Variants in GLDC observed in about 807,000 individuals in gnomAD.
The protein encoded by GLDC is glycine decarboxylase.
A neutral mutation model predicts 121.3 loss-of-function variants in GLDC; 104 were observed. The ratio of observed to expected loss-of-function variants is 0.86; its 90% confidence interval spans 0.73 to 1.01. The LOEUF (loss-of-function observed/expected upper bound fraction) is 1.01. GLDC is among the 50% of genes least tolerant of loss of function. GLDC has a pLI of 0.00. For missense variants in GLDC, 1,429 were observed against 1,306.6 expected (o/e 1.09, Z -1.44); for synonymous variants, 546 against 480.6 (o/e 1.14, Z -1.78).
intron 2 of GLDC, among the ~76,000 whole-genome samples, chr9:6,636,959 C>T (rs1396150417): frequency 6.6e-6 from 1 of 151,920 alleles, no homozygotes; most frequent in Admixed American, 6.6e-5. Context: ...TGGTGGGTGC[C>T]TGTAATCCCA....
intron 15 of GLDC, among the ~76,000 whole-genome samples, chr9:6,585,832 CTATGTATGTATG>C (rs148214664): frequency 2.5e-4 from 37 of 148,192 alleles, no homozygotes; most frequent in East Asian, 1.4e-3. Flanking sequence ...TATCATTCAT[CTATGTATGTATG>C]TATGTATGTA....
At chr9:6,607,199 T>G (rs1050914062) in intron 4 of GLDC, among the ~76,000 whole-genome samples, 6 of 152,212 alleles carry the variant, frequency 3.9e-5, no homozygotes, top group African/African-American at 1.4e-4. Flanking sequence ...TTTCTATGTT[T>G]ACTCAATAAC....
chr9:6,550,526 C>T (rs1244686815), intron 21 of GLDC, among the ~76,000 whole-genome samples: 1 of 152,034 alleles, frequency 6.6e-6, no homozygotes, highest in Admixed American at 6.6e-5. Context: ...ACTCGGGAGG[C>T]TGAGGCAAAA....
intron 2 of GLDC, among the ~76,000 whole-genome samples, chr9:6,622,553 G>A (rs1289719521): frequency 2.6e-5 from 4 of 152,146 alleles, no homozygotes; most frequent in Non-Finnish European, 5.9e-5. Context: ...GCTCAATGGT[G>A]CCCAGGCTGG....
chr9:6,622,989 G>C (rs1819145843), intron 2 of GLDC: 2 of 188,432 alleles, frequency 1.1e-5, no homozygotes, highest in South Asian at 7.6e-5. Context: ...GTCCGGGAGG[G>C]AGGTGGGGGG....
chr9:6,611,692 G>GT (rs1230834132), intron 3 of GLDC, among the ~76,000 whole-genome samples: 1 of 152,054 alleles, frequency 6.6e-6, no homozygotes, highest in Non-Finnish European at 1.5e-5. Flanking sequence ...GACACTGCTT[G>GT]TTTTTTCTGT....
chr9:6,547,166 G>A (rs143783793), intron 21 of GLDC, among the ~76,000 whole-genome samples: 36 of 152,132 alleles, frequency 2.4e-4, no homozygotes, highest in Middle Eastern at 3.4e-3. Context: ...AAAATTAAAC[G>A]TGAGGAAGTT....
intron 2 of GLDC, among the ~76,000 whole-genome samples, chr9:6,632,592 T>G (rs1819407457): frequency 6.6e-6 from 1 of 152,210 alleles, no homozygotes; most frequent in Non-Finnish European, 1.5e-5. Flanking sequence ...TGCTATTTGA[T>G]GGAGTGGGGA....
chr9:6,633,585 C>T (rs1819435690), intron 2 of GLDC, among the ~76,000 whole-genome samples: 2 of 152,030 alleles, frequency 1.3e-5, no homozygotes, highest in Admixed American at 6.6e-5. Flanking sequence ...GACTGACAGC[C>T]TCATCTCCTG....
At chr9:6,633,457 G>A (rs780199639) in intron 2 of GLDC, among the ~76,000 whole-genome samples, 1 of 152,176 alleles carries the variant, frequency 6.6e-6, no homozygotes, top group African/African-American at 2.4e-5. Flanking sequence ...CCAAATGCAT[G>A]TTCCACGAAT....
intron 2 of GLDC, among the ~76,000 whole-genome samples, chr9:6,627,589 C>G (rs996386422): frequency 6.6e-6 from 1 of 152,056 alleles, no homozygotes; most frequent in African/African-American, 2.4e-5. Flanking sequence ...TGAGCTGTCC[C>G]CTATACAACA....
intron 15 of GLDC, among the ~76,000 whole-genome samples, chr9:6,568,575 T>C (rs1257047621): frequency 6.6e-6 from 1 of 152,062 alleles, no homozygotes; most frequent in Non-Finnish European, 1.5e-5. Flanking sequence ...ATGCCGGGCG[T>C]GGTGGCTCAC....
chr9:6,628,557 G>A (rs532412764), intron 2 of GLDC, among the ~76,000 whole-genome samples: 1 of 152,320 alleles, frequency 6.6e-6, no homozygotes, highest in East Asian at 1.9e-4. Context: ...TTGGGAGGCC[G>A]AGGCAGAAGG....
At position 6,623,617 on chromosome 9, in the gene GLDC, A is replaced by T. The variant is rs188177060; in HGVS notation, c.335-3298T>A. ...AAACACCCAAGAATGATCAATAAAA[A>T]AAAAAATAAAAAAAGAGAGAGATAT... On this transcript the variant is annotated intron_variant, in intron 2 of 24. Coordinates refer to ENST00000321612, the MANE Select transcript of GLDC (RefSeq NM_000170.3). 2.2e-4 allele frequency among the ~76,000 whole-genome samples: 34 copies of T among 152,328 alleles called. No individual in the cohort carries two copies. In the East Asian group the frequency reaches 5.8e-3, roughly 26 times the overall value.
At chr9:6,639,671 ATAT>A in intron 2 of GLDC, 1 of 191,568 alleles carries the variant, frequency 5.2e-6, no homozygotes. Context: ...AAAAAAAAGT[ATAT>A]ATATATATAT....
rs200259332 is a variant in GLDC, at chr9:6,570,830, C to A, written c.1851-5401G>T. Among the ~76,000 whole-genome samples the A allele has an allele frequency of 2.3e-5, 3 of 132,268 alleles. No homozygotes were observed. The South Asian group carries it at 6.9e-4, about 30-fold the overall frequency. 86.8% of individuals were successfully genotyped at this position (132,268 alleles called of 152,430 possible). A position where few individuals can be genotyped will look rare whatever the true frequency, so the allele number is the denominator to read the frequency against. ...GATCGCACCACTGCACTCCAGCCTG[C>A]GCAACAAGAGCAAAACTCTGTCTCA... On this transcript the variant is annotated intron_variant, in intron 15 of 24. Coordinates refer to ENST00000321612, the MANE Select transcript of GLDC (RefSeq NM_000170.3).
intron 22 of GLDC, among the ~76,000 whole-genome samples, chr9:6,537,918 C>T (rs866947619): frequency 9.9e-5 from 15 of 152,196 alleles, no homozygotes; most frequent in African/African-American, 9.6e-5. Context: ...TACTTTCTGA[C>T]GCATTTCAAA....
At chr9:6,604,910 C>T in intron 6 of GLDC, 126 bp from the exon 7 acceptor site, 1 of 903,972 alleles carries the variant, frequency 1.1e-6, no homozygotes, top group South Asian at 1.4e-5. Flanking sequence ...AACTCCATTG[C>T]TCATTCATTC....
rs747696896 is a variant in GLDC, at chr9:6,592,257, C to T, written c.1402-34G>A. On this transcript the variant is annotated intron_variant, in intron 10 of 24. Coordinates refer to ENST00000321612, the MANE Select transcript of GLDC (RefSeq NM_000170.3). Reference sequence around the variant, plus strand: ...ACACAAACAAAATGGAAAACATCAACTCTAAACTCCACATCACTGGAGGAA... The same window carrying T: ...ACACAAACAAAATGGAAAACATCAATTCTAAACTCCACATCACTGGAGGAA... 16 of 1,273,878 alleles carry T rather than the reference C, an allele frequency of 1.3e-5. No homozygotes were observed. In the East Asian group the frequency reaches 3.7e-4, roughly 29 times the overall value. The allele number at this position is 1,273,878 out of a possible 1,614,324, so 78.9% of individuals were successfully genotyped here.
Sources: allele counts gnomAD v4.1 joint callset (sites outside exome capture counted in the v4.1 genomes callset), GRCh38; gene constraint gnomAD v4.1.1; transcripts MANE v1.5; gene names NCBI Gene and HGNC (gene_info 2026-07-23, HGNC 2026-07-21).